The following BPHL variants were observed in gnomAD, a reference collection of about 807,000 sequenced individuals.
BPHL encodes serine hydrolase BPHL.
BPHL carries 27 observed loss-of-function variants against 31.2 expected under a neutral mutation model. The ratio of observed to expected loss-of-function variants is 0.87; its 90% CI spans 0.64 to 1.19. BPHL has a LOEUF of 1.19. Ranked by LOEUF, BPHL falls within the 50% of genes most tolerant of loss-of-function variation. The pLI, the probability that BPHL is intolerant of heterozygous loss-of-function variation, is 0.00. For synonymous variants in BPHL, 150 were observed against 146.8 expected (o/e 1.02, Z -0.16); for missense variants, 356 against 375.7 (o/e 0.95, Z 0.43).
Position 3,138,020 on chromosome 6 carries a change from C to G in BPHL, c.664+527C>G, listed in dbSNP as rs557904731. 8.8e-5 allele frequency: 113 copies of G among 1,276,888 alleles called. No individual in the cohort carries two copies. The African/African-American group carries it at 1.6e-3, about 18-fold the overall frequency. The allele number at this position is 1,276,888 out of a possible 1,614,324, so 79.1% of individuals were successfully genotyped here. A position where few individuals can be genotyped will look rare whatever the true frequency, so the allele number is the denominator to read the frequency against. ...GTAACCATGAACAATGCACAAATGT[C>G]TCCTATTCTTTTTTTTTTAGATGGA... On this transcript the variant is annotated intron_variant, in intron 5 of 6. Transcript: ENST00000380379.
intron 6 of BPHL, among the ~76,000 whole-genome samples, chr6:3,148,833 A>G (rs1762450840): frequency 6.6e-6 from 1 of 152,230 alleles, no homozygotes; most frequent in South Asian, 2.1e-4. Flanking sequence ...GCAAGATTAT[A>G]TTAAAACCTC....
rs142490412 is a variant in BPHL, at chr6:3,122,380, T to C, written c.108-1277T>C. Among the ~76,000 whole-genome samples, 19 of 152,352 alleles carry C rather than the reference T, an allele frequency of 1.2e-4. No homozygotes were observed. In the East Asian group the frequency reaches 3.7e-3, roughly 29 times the overall value. On this transcript the variant is annotated intron_variant, in intron 1 of 6. Coordinates refer to ENST00000380379, the MANE Select transcript of BPHL (RefSeq NM_004332.4). ...AGAGAGCGCCTCCTTCTGGCATCTGTCCTGGCTTGCCATCATGTCCCTCCT... is the reference window on the plus strand; with the variant it reads ...AGAGAGCGCCTCCTTCTGGCATCTGCCCTGGCTTGCCATCATGTCCCTCCT...
intron 1 of BPHL, chr6:3,119,491 C>T (rs1761499683): frequency 6.2e-7 from 1 of 1,613,120 alleles, no homozygotes; most frequent in Non-Finnish European, 8.5e-7. Flanking sequence ...CTTTTGTCCT[C>T]CCACCTGTCC....
chr6:3,152,650 T>G lies in BPHL; in HGVS notation c.*75T>G. 7.5e-7 allele frequency: 1 copy of G among 1,338,278 alleles called. No individual in the cohort carries two copies. The highest frequency in any genetic ancestry group is 1.1e-6 in the Non-Finnish European group (1 of 946,884). The allele number at this position is 1,338,278 out of a possible 1,614,324, so 82.9% of individuals were successfully genotyped here. The stretch of plus-strand genomic sequence containing the variant: ...TTGCTGCCTGTTAACATGATGCCTT[T>G]GAAACTCTCCGCCTTTGAAACTTTC... On this transcript the variant is annotated 3_prime_UTR_variant, in exon 7 of 7. Coordinates refer to ENST00000380379, the MANE Select transcript of BPHL (RefSeq NM_004332.4).
In BPHL at chr6:3,140,762, T is replaced by G. The variant is rs1762153348; in HGVS notation, c.788+253T>G. On this transcript the variant is annotated intron_variant, in intron 6 of 6. Transcript: ENST00000380379. The surrounding 1 kb of genome is among the most constrained non-coding windows in gnomAD (Gnocchi z 5.2). The stretch of plus-strand genomic sequence containing the variant: ...TTACTTTCATGAGTGGCAAACATGC[T>G]CATAGGTGCTAAGCCCTGTCACTTG... Among the ~76,000 whole-genome samples the G allele has an allele frequency of 6.6e-6, 1 of 152,238 alleles. No individual in the cohort carries two copies. The highest frequency in any genetic ancestry group is 1.5e-5 in the Non-Finnish European group (1 of 68,046).
intron 2 of BPHL, among the ~76,000 whole-genome samples, chr6:3,125,387 A>G (rs1369625585): frequency 2.7e-5 from 4 of 149,276 alleles, no homozygotes; most frequent in Admixed American, 2.6e-4. Context: ...CATGATTCCA[A>G]TATTAAAAAA....
chr6:3,135,586 A>T (rs1320137159), intron 4 of BPHL, among the ~76,000 whole-genome samples: 1 of 152,136 alleles, frequency 6.6e-6, no homozygotes. Flanking sequence ...TCAAATAGGC[A>T]TCTCGTTCAT....
chr6:3,151,164 T>A (rs1378587850), intron 6 of BPHL, among the ~76,000 whole-genome samples: 1 of 152,126 alleles, frequency 6.6e-6, no homozygotes, highest in Non-Finnish European at 1.5e-5. Flanking sequence ...GATTAGGGGA[T>A]GCAATTTAGC....
intron 3 of BPHL, among the ~76,000 whole-genome samples, chr6:3,128,203 A>T (rs1761770427): frequency 6.6e-6 from 1 of 152,188 alleles, no homozygotes; most frequent in African/African-American, 2.4e-5. Flanking sequence ...GGCAGTGAAC[A>T]TTCTGTTGCT....
intron 6 of BPHL, among the ~76,000 whole-genome samples, chr6:3,150,678 G>A (rs990207661): frequency 6.6e-6 from 1 of 152,220 alleles, no homozygotes; most frequent in Non-Finnish European, 1.5e-5. Flanking sequence ...TGAGAATCTA[G>A]AGCTCCTGTC....
chr6:3,147,379 A>C (rs1246003180), intron 6 of BPHL, among the ~76,000 whole-genome samples: 1 of 152,210 alleles, frequency 6.6e-6, no homozygotes, highest in Non-Finnish European at 1.5e-5. Context: ...CATAGCTTGA[A>C]ATTAGGTCAG....
Position 3,124,102 on chromosome 6 carries a change from T to A in BPHL, c.211+342T>A, listed in dbSNP as rs531399437. 10 of 159,352 alleles carry A rather than the reference T, an allele frequency of 6.3e-5. No individual in the cohort carries two copies. The East Asian group carries it at 1.8e-3, about 29-fold the overall frequency. The allele number at this position is 159,352 out of a possible 1,614,324, so 9.9% of individuals were successfully genotyped here. A position where few individuals can be genotyped will look rare whatever the true frequency, so the allele number is the denominator to read the frequency against. ...TGGGTAATCAGTCATCCTAGTTTGC[T>A]TGGCGTTGGGGGATTTTCCAGGATG... is the stretch of plus-strand genomic sequence containing the variant. On this transcript the variant is annotated intron_variant, in intron 2 of 6. Coordinates refer to ENST00000380379, the MANE Select transcript of BPHL (RefSeq NM_004332.4).
chr6:3,137,027 T>C (rs1399889712), intron 4 of BPHL, among the ~76,000 whole-genome samples: 1 of 152,182 alleles, frequency 6.6e-6, no homozygotes, highest in Non-Finnish European at 1.5e-5. Flanking sequence ...AGGAAAGCGG[T>C]AAGTGCAGCT....
chr6:3,118,584 G>A (rs973202559), upstream of BPHL: 12 of 502,490 alleles, frequency 2.4e-5, no homozygotes, highest in Non-Finnish European at 3.7e-5. Context: ...GAAAGCACCC[G>A]GCAGGGCGTG....
Position 3,137,472 on chromosome 6 carries a change from C to G in BPHL, c.643C>G (p.Gln215Glu). Reference sequence around the variant, plus strand: ...TGAAAAGTGGGTGGATGGCATAAGACAGTTTAAACATCTCCCAGATGGTAG... The same window carrying G: ...TGAAAAGTGGGTGGATGGCATAAGAGAGTTTAAACATCTCCCAGATGGTAG... ...TCEKWVDGIR[Q>E]FKHLPDGNIC... The change falls in exon 5 of 7, where the codon CAG (glutamine) becomes GAG (glutamate). Residue 215 changes from glutamine to glutamate, a missense_variant. By Grantham distance (29) the Gln-to-Glu change is conservative. Coordinates refer to ENST00000380379, the MANE Select transcript of BPHL (RefSeq NM_004332.4). 1.2e-6 allele frequency: 2 copies of G among 1,613,560 alleles called. No individual in the cohort carries two copies. Among genetic ancestry groups the G allele is most frequent in the Non-Finnish European group, 8.5e-7 (1 of 1,179,928 alleles).
chr6:3,132,677 C>T (rs972691290), intron 4 of BPHL, among the ~76,000 whole-genome samples: 11 of 152,172 alleles, frequency 7.2e-5, no homozygotes, highest in Non-Finnish European at 1.2e-4. Context: ...CAAAAAAATA[C>T]AAAACGTAGT....
At chr6:3,148,756 A>G (rs540112464) in intron 6 of BPHL, among the ~76,000 whole-genome samples, 2 of 152,376 alleles carry the variant, frequency 1.3e-5, no homozygotes, top group African/African-American at 4.8e-5. Flanking sequence ...GTGCTTATCA[A>G]GTTGAGTCTT....
chr6:3,146,512 T>A (rs1762371257), intron 6 of BPHL, among the ~76,000 whole-genome samples: 1 of 124,944 alleles, frequency 8.0e-6, no homozygotes, highest in Non-Finnish European at 1.6e-5. Context: ...GGTGGAGTGC[T>A]GGTGTGGGTC....
chr6:3,145,647 G>C (rs1415300829), intron 6 of BPHL, among the ~76,000 whole-genome samples: 53 of 70,094 alleles, frequency 7.6e-4, no homozygotes, highest in African/African-American at 2.2e-3. Flanking sequence ...GTGCTGGTTC[G>C]GGGTGGAGTG....
Sources: allele counts gnomAD v4.1 joint callset (sites outside exome capture counted in the v4.1 genomes callset), GRCh38; gene constraint gnomAD v4.1.1; non-coding constraint Gnocchi (gnomAD v3.1); transcripts MANE v1.5; gene names NCBI Gene and HGNC (gene_info 2026-07-23, HGNC 2026-07-21).